XKR9: variants seen among roughly 807,000 people sequenced by gnomAD.
XKR9 encodes the protein XK-related protein 9.
A neutral mutation model predicts 32.0 loss-of-function variants in XKR9; 32 were observed. The ratio of observed to expected loss-of-function variants is 1.00; its 90% CI spans 0.76 to 1.34. The LOEUF is 1.34. Among genes scored for constraint, XKR9 ranks in the 40% most tolerant of loss-of-function variants. XKR9 has a pLI of 0.00. For synonymous variants in XKR9, 168 were observed against 143.4 expected (o/e 1.17, Z -1.22); for missense variants, 546 against 429.7 (o/e 1.27, Z -2.39).
intron 2 of XKR9, among the ~76,000 whole-genome samples, chr8:70,753,090 C>T (rs571147687): frequency 2.6e-5 from 4 of 152,292 alleles, no homozygotes; most frequent in African/African-American, 9.6e-5. Flanking sequence ...GACATCACCA[C>T]CGATCCCACA....
chr8:70,669,705 C>T (rs1212561313), intron 1 of XKR9, among the ~76,000 whole-genome samples, 167 bp downstream of exon 1: 1 of 132,654 alleles, frequency 7.5e-6, no homozygotes, highest in Non-Finnish European at 1.5e-5. Flanking sequence ...CTCGGTCTGT[C>T]GCCCAGGCTG....
At chr8:70,805,255 T>C in the XKR9 span, among the ~76,000 whole-genome samples, 1 of 152,176 alleles carries the variant, frequency 6.6e-6, no homozygotes, top group African/African-American at 2.4e-5. Context: ...CCGTGCTTTT[T>C]CCATGGAACT....
chr8:70,828,460 C>T, the XKR9 span, among the ~76,000 whole-genome samples: 32 of 151,648 alleles, frequency 2.1e-4, no homozygotes, highest in African/African-American at 7.0e-4. Flanking sequence ...GGGGGCTGGG[C>T]GCAGTGGCTC....
chr8:70,785,854 T>C (rs1807681395), intron 2 of XKR9, among the ~76,000 whole-genome samples: 2 of 151,180 alleles, frequency 1.3e-5, no homozygotes, highest in South Asian at 4.2e-4. Flanking sequence ...ATTTTCTATG[T>C]CATTTGTCTC....
At chr8:71,009,992 C>T in the XKR9 span, among the ~76,000 whole-genome samples, 1 of 152,204 alleles carries the variant, frequency 6.6e-6, no homozygotes, top group African/African-American at 2.4e-5. Flanking sequence ...AAAAGTACGG[C>T]ATCATCTGCT....
At chr8:70,917,746 A>G in the XKR9 span, among the ~76,000 whole-genome samples, 2 of 152,244 alleles carry the variant, frequency 1.3e-5, no homozygotes, top group African/African-American at 4.8e-5. Flanking sequence ...GTTTTAAGCC[A>G]GATTACCTGG....
chr8:70,732,445 A>C (rs1197674562), intron 4 of XKR9, among the ~76,000 whole-genome samples: 1 of 152,210 alleles, frequency 6.6e-6, no homozygotes, highest in Non-Finnish European at 1.5e-5. Flanking sequence ...CAAGAGAACT[A>C]GGCAGCCACT....
chr8:70,752,142 C>A (rs1488416669), intron 2 of XKR9, among the ~76,000 whole-genome samples: 3 of 152,172 alleles, frequency 2.0e-5, no homozygotes, highest in East Asian at 1.9e-4. Context: ...CCTAAGCAAC[C>A]ACAATCTGCC....
chr8:70,926,306 A>G, the XKR9 span, among the ~76,000 whole-genome samples: 1 of 152,142 alleles, frequency 6.6e-6, no homozygotes, highest in Admixed American at 6.6e-5. Flanking sequence ...TCTGACCTCA[A>G]GTGATCCACC....
At chr8:71,034,427 CT>C in the XKR9 span, among the ~76,000 whole-genome samples, 2 of 152,232 alleles carry the variant, frequency 1.3e-5, no homozygotes, top group East Asian at 1.9e-4. Flanking sequence ...GATTAAACCT[CT>C]TTCCTTTTTA....
chr8:71,006,634 A>G, the XKR9 span, among the ~76,000 whole-genome samples: 1 of 152,170 alleles, frequency 6.6e-6, no homozygotes, highest in East Asian at 1.9e-4. Flanking sequence ...TAATCAACTT[A>G]TTTTTAGGGA....
the XKR9 span, among the ~76,000 whole-genome samples, chr8:71,019,706 T>G: frequency 6.6e-6 from 1 of 152,224 alleles, no homozygotes; most frequent in Non-Finnish European, 1.5e-5. Context: ...GGAATGGAAT[T>G]CTCACCAGTC....
chr8:70,902,378 A>T, the XKR9 span, among the ~76,000 whole-genome samples: 6 of 152,104 alleles, frequency 3.9e-5, no homozygotes, highest in Non-Finnish European at 5.9e-5. Flanking sequence ...CATCCCTTGT[A>T]AGTTGGATTC....
At chr8:70,738,820 C>T (rs1806910895), downstream of XKR9, among the ~76,000 whole-genome samples, 3 of 152,172 alleles carry the variant, frequency 2.0e-5, no homozygotes, top group South Asian at 6.2e-4. Context: ...TTTGATTGCA[C>T]TGTGGTCTGA....
the XKR9 span, among the ~76,000 whole-genome samples, chr8:70,813,807 G>A: frequency 2.6e-5 from 4 of 152,216 alleles, no homozygotes; most frequent in African/African-American, 7.2e-5. Context: ...GTGCTGGAGA[G>A]GATGTGGAGA....
At chr8:70,853,036 A>C in the XKR9 span, among the ~76,000 whole-genome samples, 1 of 152,160 alleles carries the variant, frequency 6.6e-6, no homozygotes, top group African/African-American at 2.4e-5. Flanking sequence ...AATGTGGTAC[A>C]TATACACAAT....
chr8:70,808,291 A>G, the XKR9 span, among the ~76,000 whole-genome samples: 7 of 152,210 alleles, frequency 4.6e-5, no homozygotes, highest in Non-Finnish European at 8.8e-5. Flanking sequence ...CAGTTATAGC[A>G]CTAGATGCCC....
At chr8:70,697,097 G>T (rs1426427685) in intron 3 of XKR9, among the ~76,000 whole-genome samples, 1 of 150,840 alleles carries the variant, frequency 6.6e-6, no homozygotes, top group African/African-American at 2.4e-5. Context: ...AGACAATGGG[G>T]TTTTCTAGAT....
chr8:70,830,797 G>T, the XKR9 span, among the ~76,000 whole-genome samples: 988 of 152,210 alleles, frequency 6.5e-3, 14 homozygotes, highest in African/African-American at 0.023. Flanking sequence ...AGGAAGAGAT[G>T]GGGATTATTA....
Sources: gnomAD v4.1 joint callset for allele counts (sites outside exome capture counted in the v4.1 genomes callset) on GRCh38, gnomAD v4.1.1 for gene constraint, MANE v1.5 for transcripts, NCBI Gene and HGNC (gene_info 2026-07-23, HGNC 2026-07-21) for gene names.